Variants in IDI2 observed in about 807,000 individuals in gnomAD.
IDI2 encodes the protein isopentenyl-diphosphate delta isomerase 2.
In IDI2, 18 loss-of-function variants were observed where a neutral mutation model predicts 14.8. The ratio of observed to expected loss-of-function variants is 1.22; its 90% CI spans 0.84 to 1.80. The LOEUF (loss-of-function observed/expected upper bound fraction) is 1.80. IDI2 is among the 40% of genes most tolerant of loss of function. IDI2 has a pLI of 0.00. For missense variants in IDI2, 316 were observed against 283.2 expected (o/e 1.12, Z -0.83); for synonymous variants, 133 against 109.6 (o/e 1.21, Z -1.33).
chr10:1,020,228 T>C (rs1271181500), intron 4 of IDI2, among the ~76,000 whole-genome samples: 1 of 92,716 alleles, frequency 1.1e-5, no homozygotes, highest in Non-Finnish European at 2.3e-5. Context: ...AATTTCTTTC[T>C]TTTTTTTTTT....
chr10:1,020,840 TCTTC>T lies in IDI2; in HGVS notation c.289_292del (p.Glu97LysfsTer7), dbSNP rs1213719309. 6 of 1,614,032 alleles carry T rather than the reference TCTTC, an allele frequency of 3.7e-6. No individual in the cohort carries two copies. In the Admixed American group the frequency reaches 1.0e-4, roughly 27 times the overall value. ...CCTCCTCACTCCGATGGCATCCTTT[TCTTC>T]CAGTTCTGCTGGGTTGTATAATGGG... is the stretch of plus-strand genomic sequence containing the variant. On this transcript the variant is annotated frameshift_variant, in exon 4 of 5. Transcript: ENST00000277517. LOFTEE classifies it high-confidence loss of function.
chr10:1,024,236 C>T (rs1367539087), intron 2 of IDI2, among the ~76,000 whole-genome samples: 2 of 152,164 alleles, frequency 1.3e-5, no homozygotes, highest in Non-Finnish European at 1.5e-5. Flanking sequence ...GACAGGCCTG[C>T]GTGATCAGAC....
intron 2 of IDI2, among the ~76,000 whole-genome samples, chr10:1,023,780 C>T (rs1325374800): frequency 6.6e-6 from 1 of 152,066 alleles, no homozygotes; most frequent in Non-Finnish European, 1.5e-5. Flanking sequence ...TAGTTAACAA[C>T]AGTGTATTAT....
chr10:1,020,689 G>C (rs1261328375), intron 4 of IDI2, 78 bp downstream of exon 4: 3 of 1,429,434 alleles, frequency 2.1e-6, no homozygotes, highest in African/African-American at 1.4e-5. Context: ...TGTAGATCCA[G>C]CCTGGACTTT....
rs201849596 is a variant in IDI2, at chr10:1,024,550, G to T, written c.142+32C>A. 1,410 of 1,609,392 alleles carry T rather than the reference G, an allele frequency of 8.8e-4. 4 individuals are homozygous for T. Among genetic ancestry groups the T allele is most frequent in the Non-Finnish European group, 1.0e-3 (1,185 of 1,178,218 alleles). On this transcript the variant is annotated intron_variant, in intron 2 of 4. Coordinates refer to ENST00000277517, the MANE Select transcript of IDI2 (RefSeq NM_033261.3). ...GGGTGGGAAAAATGGGAAAACCCTG[G>T]GAACTGGACAGAGAAAATGGGCGGG...
chr10:1,019,511 T>C lies in IDI2; in HGVS notation c.*6A>G. ...TTACACATGGCTGACTCGACCTCCCTGCCTCTCACACTCTGTGTATTTTGT... is the reference window on the plus strand; with the variant it reads ...TTACACATGGCTGACTCGACCTCCCCGCCTCTCACACTCTGTGTATTTTGT... On this transcript the variant is annotated 3_prime_UTR_variant, in exon 5 of 5. Transcript: ENST00000277517. The C allele has an allele frequency of 6.2e-7, 1 of 1,607,052 alleles. No individual in the cohort carries two copies. Among genetic ancestry groups the C allele is most frequent in the Non-Finnish European group, 8.5e-7 (1 of 1,174,872 alleles).
chr10:1,025,425 C>T (rs1398239613), intron 1 of IDI2, among the ~76,000 whole-genome samples: 1 of 151,784 alleles, frequency 6.6e-6, no homozygotes, highest in African/African-American at 2.4e-5. Context: ...CCTGTATTCC[C>T]AGCTACTCAG....
At chr10:1,024,554 C>G (rs1294209226) in intron 2 of IDI2, 28 bp downstream of exon 2, 1 of 1,612,818 alleles carries the variant, frequency 6.2e-7, no homozygotes, top group Non-Finnish European at 8.5e-7. Flanking sequence ...ACCCTGGGAA[C>G]TGGACAGAGA....
intron 1 of IDI2, among the ~76,000 whole-genome samples, chr10:1,025,518 GCAGA>G (rs1370538851): frequency 3.4e-5 from 5 of 148,754 alleles, no homozygotes; most frequent in Non-Finnish European, 5.9e-5. Context: ...TCCAGCCTGG[GCAGA>G]CAGAGTGAGA....
chr10:1,020,058 C>G, intron 4 of IDI2: 1 of 570,650 alleles, frequency 1.8e-6, no homozygotes, highest in Non-Finnish European at 3.1e-6. Flanking sequence ...TGTCTGTCTT[C>G]ATTTAAAGAA....
At position 1,022,715 on chromosome 10, in the gene IDI2, T is replaced by C. The variant is rs376818017; in HGVS notation, c.203A>G (p.Gln68Arg). The C allele has an allele frequency of 5.0e-6, 8 of 1,614,048 alleles. No individual in the cohort carries two copies. The highest frequency in any genetic ancestry group is 1.1e-5 in the South Asian group (1 of 91,092). The change falls in exon 3 of 5, where the codon CAG (glutamine) becomes CGG (arginine). Residue 68 changes from glutamine (Q) to arginine (R), a missense_variant. Coordinates refer to ENST00000277517, the MANE Select transcript of IDI2 (RefSeq NM_033261.3). ...LFNTKNRILIQQRSDTKVTFP... is the reference protein window; with the variant it reads ...LFNTKNRILIRQRSDTKVTFP... The stretch of plus-strand genomic sequence containing the variant: ...CGTGACTTTCGTGTCCGACCTCTGC[T>C]GTATCAGGATTCGATTCTTGGTGTT...
rs776164596 is a variant in IDI2, at chr10:1,022,768, C to T, written c.150G>A (p.Leu50=). The change falls in exon 3 of 5, where the codon CTG becomes CTA. Residue 50 remains leucine, a synonymous_variant. Coordinates refer to ENST00000277517, the MANE Select transcript of IDI2 (RefSeq NM_033261.3). ...HLNENIEKGL[L]HRAFSVVLFN... ...ACAAGACAACGCTGAAGGCTCGGTG[C>T]AGCAGCCCTGCAAAGGTAAGTGCCA... The T allele has an allele frequency of 3.1e-6, 5 of 1,613,458 alleles. No individual in the cohort carries two copies. Among genetic ancestry groups the T allele is most frequent in the Non-Finnish European group, 3.4e-6 (4 of 1,179,408 alleles).
chr10:1,020,022 C>G, intron 4 of IDI2, 188 bp from the exon 5 acceptor site: 1 of 597,290 alleles, frequency 1.7e-6, no homozygotes, highest in Non-Finnish European at 3.0e-6. Context: ...GATAAACCGG[C>G]TTTGGTTTCT....
chr10:1,022,682 C>A lies in IDI2; in HGVS notation c.235+1G>T, dbSNP rs1451611814. 4.3e-6 allele frequency: 7 copies of A among 1,611,398 alleles called. No homozygotes were observed. Among genetic ancestry groups the A allele is most frequent in the Non-Finnish European group, 5.9e-6 (7 of 1,177,712 alleles). ...TCCGGGGCTTGGTTGAACGGACTCA[C>A]CAGGAAACGTGACTTTCGTGTCCGA... is the stretch of plus-strand genomic sequence containing the variant. On this transcript the variant is annotated splice_donor_variant, in intron 3 of 4. Transcript: ENST00000277517. LOFTEE classifies it high-confidence loss of function.
At chr10:1,023,717 C>A (rs904005761) in intron 2 of IDI2, among the ~76,000 whole-genome samples, 8 of 152,082 alleles carry the variant, frequency 5.3e-5, no homozygotes, top group Non-Finnish European at 1.5e-5. Flanking sequence ...TATAAACATA[C>A]CGCGATAGAG....
chr10:1,019,860 T>A, intron 4 of IDI2, 26 bp from the exon 5 acceptor site: 1 of 1,479,092 alleles, frequency 6.8e-7, no homozygotes, highest in Non-Finnish European at 9.4e-7. Context: ...GGTGCAGTGT[T>A]AACAACGCTA....
intron 1 of IDI2, among the ~76,000 whole-genome samples, 184 bp downstream of exon 1, chr10:1,025,632 A>G (rs1406763183): frequency 6.6e-6 from 1 of 152,000 alleles, no homozygotes; most frequent in Non-Finnish European, 1.5e-5. Flanking sequence ...AAATGCATTC[A>G]CGTCTGTCCA....
At chr10:1,024,467 T>G (rs1589038449) in intron 2 of IDI2, 115 bp downstream of exon 2, 1 of 1,094,386 alleles carries the variant, frequency 9.1e-7, no homozygotes, top group East Asian at 2.4e-5. Flanking sequence ...AGCACACAGG[T>G]GACCCAGTGG....
At chr10:1,020,707 G>A (rs557552082) in intron 4 of IDI2, 60 bp downstream of exon 4, 7 of 1,390,934 alleles carry the variant, frequency 5.0e-6, no homozygotes, top group South Asian at 3.7e-5. Context: ...TTTGTTCACC[G>A]TCTGCCCGCT....
Sources: allele counts gnomAD v4.1 joint callset (sites outside exome capture counted in the v4.1 genomes callset), GRCh38; gene constraint gnomAD v4.1.1; transcripts MANE v1.5; gene names NCBI Gene and HGNC (gene_info 2026-07-23, HGNC 2026-07-21).